Variants in RBFOX3 observed in about 807,000 individuals in gnomAD.
RBFOX3 encodes RNA binding protein fox-1 homolog 3.
Under a neutral mutation model 48.7 loss-of-function variants are expected in RBFOX3, and 17 were observed. The observed-to-expected ratio is 0.35, with a 90% CI of 0.24 to 0.52. The LOEUF is 0.52. Among genes scored for constraint, RBFOX3 ranks in the 20% least tolerant of loss-of-function variants. The probability of loss-of-function intolerance (pLI) is 0.94; values close to 1 mark genes in which losing one functional copy is unlikely to be tolerated. For missense variants in RBFOX3, 382 were observed against 497.5 expected, an observed-to-expected ratio of 0.77 and a Z score of 2.21; for synonymous variants, 212 against 209.5, an observed-to-expected ratio of 1.01 and a Z score of -0.10.
chr17:79,639,960 G>A, the RBFOX3 span, among the ~76,000 whole-genome samples: 1 of 152,156 alleles, frequency 6.6e-6, no homozygotes, highest in East Asian at 1.9e-4. Flanking sequence ...ACGTAGTACA[G>A]GAAGTTCTAG....
intron 5 of RBFOX3, among the ~76,000 whole-genome samples, chr17:79,114,053 G>C (rs554486037): frequency 1.3e-5 from 2 of 152,164 alleles, no homozygotes; most frequent in Non-Finnish European, 2.9e-5. Flanking sequence ...CTCACCATGA[G>C]AGACCCCCTC....
At chr17:79,206,461 C>A (rs1370977523) in intron 4 of RBFOX3, among the ~76,000 whole-genome samples, 2 of 152,188 alleles carry the variant, frequency 1.3e-5, no homozygotes, top group Non-Finnish European at 2.9e-5. Flanking sequence ...ACAGCACTGA[C>A]TCCTCAAGAT....
In RBFOX3 at chr17:79,480,915, T is replaced by G. The variant is rs1207196746; in HGVS notation, c.-175+1539A>C. ...CCATGAGGGCCAGAACTTGACCTTG[T>G]CTCCACTGCGTCTCCAGCACCCCAA... On this transcript the variant is annotated intron_variant, in intron 2 of 14. Coordinates refer to ENST00000693108, the MANE Select transcript of RBFOX3 (RefSeq NM_001350451.2). This position sits in a 1 kb window ranked among gnomAD's most constrained non-coding sequence, Gnocchi z 4.8. 6.6e-6 allele frequency among the ~76,000 whole-genome samples: 1 copy of G among 152,170 alleles called. No homozygotes were observed. Among genetic ancestry groups the G allele is most frequent in the African/African-American group, 2.4e-5 (1 of 41,436 alleles).
intron 4 of RBFOX3, among the ~76,000 whole-genome samples, chr17:79,130,989 T>C (rs1483477710): frequency 2.6e-5 from 4 of 152,058 alleles, no homozygotes; most frequent in African/African-American, 9.7e-5. Context: ...GTGCCCCATG[T>C]GTACTGTGTG....
chr17:79,490,116 C>T (rs2080275316), intron 1 of RBFOX3, among the ~76,000 whole-genome samples: 1 of 152,208 alleles, frequency 6.6e-6, no homozygotes, highest in African/African-American at 2.4e-5. Context: ...CTTCTGAATC[C>T]TGTCTCTGGC....
At chr17:79,571,967 A>ATAAGAAGGTGATTTGC in intron 1 of RBFOX3, among the ~76,000 whole-genome samples, 1 of 152,316 alleles carries the variant, frequency 6.6e-6, no homozygotes, top group Admixed American at 6.5e-5. Flanking sequence ...GACTTTTGTC[A>ATAAGAAGGTGATTTGC]TAAGAAGGTG....
intron 1 of RBFOX3, among the ~76,000 whole-genome samples, chr17:79,570,157 T>C (rs2092619906): frequency 6.7e-6 from 1 of 150,120 alleles, no homozygotes; most frequent in Non-Finnish European, 1.5e-5. Flanking sequence ...GACAGATGGA[T>C]AATAGATGGA....
At chr17:79,617,161 CCTT>C in the RBFOX3 span, among the ~76,000 whole-genome samples, 1 of 152,306 alleles carries the variant, frequency 6.6e-6, no homozygotes, top group African/African-American at 2.4e-5. Flanking sequence ...CTGCACGCCT[CCTT>C]CTAGTTTCAT....
chr17:79,145,760 G>A (rs893991031), intron 4 of RBFOX3, among the ~76,000 whole-genome samples: 4 of 146,566 alleles, frequency 2.7e-5, no homozygotes, highest in Admixed American at 6.9e-5. Context: ...CCACTGACAC[G>A]TGGATCCATG....
intron 4 of RBFOX3, among the ~76,000 whole-genome samples, chr17:79,149,236 G>T (rs938760249): frequency 6.6e-6 from 1 of 152,236 alleles, no homozygotes; most frequent in African/African-American, 2.4e-5. Context: ...GCCTGGGAAG[G>T]TGGCAGGGCA....
At chr17:79,244,348 A>T (rs2062821533) in intron 3 of RBFOX3, among the ~76,000 whole-genome samples, 2 of 152,184 alleles carry the variant, frequency 1.3e-5, no homozygotes, top group South Asian at 4.1e-4. Flanking sequence ...GAACTTTCAG[A>T]CAGCAGGGCC....
At chr17:79,507,526 T>C (rs2083351084) in intron 1 of RBFOX3, among the ~76,000 whole-genome samples, 1 of 151,920 alleles carries the variant, frequency 6.6e-6, no homozygotes, top group Admixed American at 6.5e-5. Flanking sequence ...CGGGGAAGGG[T>C]GGGCAGTCCT....
chr17:79,277,591 C>T (rs898168475), intron 3 of RBFOX3, among the ~76,000 whole-genome samples: 4 of 152,238 alleles, frequency 2.6e-5, no homozygotes, highest in Non-Finnish European at 5.9e-5. Context: ...CTGGCCACTG[C>T]GGGCCTCTGC....
intron 2 of RBFOX3, among the ~76,000 whole-genome samples, chr17:79,458,813 GC>G (rs1322058299): frequency 6.6e-6 from 1 of 152,120 alleles, no homozygotes; most frequent in African/African-American, 2.4e-5. Context: ...GCCACAGGAG[GC>G]CCAGCTGAGA....
chr17:79,237,663 G>A (rs2061795827), intron 3 of RBFOX3, among the ~76,000 whole-genome samples: 1 of 152,230 alleles, frequency 6.6e-6, no homozygotes, highest in African/African-American at 2.4e-5. Flanking sequence ...GCCCCTCCCA[G>A]CCGCATCAGG....
rs958547482 is a variant in RBFOX3, at chr17:79,390,740, G to T, written c.-174-82916C>A. On this transcript the variant is annotated intron_variant, in intron 2 of 14. Coordinates refer to ENST00000693108, the MANE Select transcript of RBFOX3 (RefSeq NM_001350451.2). This position sits in a 1 kb window ranked among gnomAD's most constrained non-coding sequence, Gnocchi z 4.2. ...AATCTGCCCGTCTCGGCCTCCCAAC[G>T]CATGGCCCATTCAAAGTTTGCCAGA... Among the ~76,000 whole-genome samples the T allele has an allele frequency of 6.6e-6, 1 of 152,294 alleles. No homozygotes were observed. Among genetic ancestry groups the T allele is most frequent in the South Asian group, 2.1e-4 (1 of 4,822 alleles).
At chr17:79,346,634 T>TTAA (rs893880948) in intron 2 of RBFOX3, among the ~76,000 whole-genome samples, 1 of 152,220 alleles carries the variant, frequency 6.6e-6, no homozygotes, top group African/African-American at 2.4e-5. Flanking sequence ...CAATTGGGAA[T>TTAA]TAATCAGAAT....
At chr17:79,573,276 A>G (rs36192442) in intron 1 of RBFOX3, among the ~76,000 whole-genome samples, 108,003 of 152,172 alleles carry the variant, frequency 0.71, 38,586 homozygotes, top group East Asian at 0.94. Context: ...GACCAAGGCC[A>G]CGGGGAACAA....
At chr17:79,459,333 AG>A (rs1303242551) in intron 2 of RBFOX3, among the ~76,000 whole-genome samples, 2 of 152,168 alleles carry the variant, frequency 1.3e-5, no homozygotes, top group Non-Finnish European at 2.9e-5. Flanking sequence ...GCTGGAGGGC[AG>A]GGGCGGATGT....
Sources: allele counts gnomAD v4.1 joint callset (sites outside exome capture counted in the v4.1 genomes callset), GRCh38; gene constraint gnomAD v4.1.1; non-coding constraint Gnocchi (gnomAD v3.1); transcripts MANE v1.5; gene names NCBI Gene and HGNC (gene_info 2026-07-23, HGNC 2026-07-21).